Variants in C9 observed in about 807,000 individuals in gnomAD.
C9 encodes complement component C9.
Under a neutral mutation model 65.4 loss-of-function variants are expected in C9, and 63 were observed. That is an observed-to-expected ratio of 0.96 (90% confidence interval 0.79 to 1.19). C9 has a LOEUF of 1.19. C9 is among the 50% of genes most tolerant of loss of function. The probability of loss-of-function intolerance (pLI) is 0.00; values close to 1 mark genes in which losing one functional copy is unlikely to be tolerated. For synonymous variants in C9, 229 were observed against 227.9 expected, an observed-to-expected ratio of 1.00 and a Z score of -0.04; for missense variants, 744 against 670.1, an observed-to-expected ratio of 1.11 and a Z score of -1.22.
At chr5:39,359,078 G>GTATA (rs751500923) in intron 1 of C9, among the ~76,000 whole-genome samples, 1 of 116,940 alleles carries the variant, frequency 8.6e-6, no homozygotes, top group Non-Finnish European at 1.7e-5. Context: ...ATATGTGTGT[G>GTATA]TATATATATA....
chr5:39,356,972 A>G (rs1252788011), intron 1 of C9, among the ~76,000 whole-genome samples: 2 of 152,230 alleles, frequency 1.3e-5, no homozygotes, highest in African/African-American at 4.8e-5. Flanking sequence ...ACGTATCTCC[A>G]AGTGTTTCAA....
intron 1 of C9, among the ~76,000 whole-genome samples, chr5:39,344,274 A>G (rs1754146358): frequency 1.3e-5 from 2 of 152,248 alleles, no homozygotes; most frequent in Non-Finnish European, 2.9e-5. Context: ...AAAACATTGA[A>G]AAAAGATTAG....
At chr5:39,357,509 G>A (rs904875955) in intron 1 of C9, among the ~76,000 whole-genome samples, 5 of 152,168 alleles carry the variant, frequency 3.3e-5, no homozygotes, top group Admixed American at 6.5e-5. Context: ...AAGGTTGCAA[G>A]ACAGAAAATG....
chr5:39,311,419 TCCA>T (rs770668468), intron 6 of C9, 42 bp from the exon 7 acceptor site: 29 of 1,596,492 alleles, frequency 1.8e-5, no homozygotes, highest in Non-Finnish European at 2.3e-5. Flanking sequence ...ATGTGTTTTA[TCCA>T]CCATTTCAAA....
chr5:39,331,840 A>G (rs781505763), intron 4 of C9, 26 bp from the exon 5 acceptor site: 1 of 1,608,484 alleles, frequency 6.2e-7, no homozygotes, highest in Non-Finnish European at 8.5e-7. Context: ...GTAGTATCAG[A>G]AGTGGAAATA....
chr5:39,308,190 C>A, intron 8 of C9, 40 bp downstream of exon 8: 1 of 1,592,880 alleles, frequency 6.3e-7, no homozygotes, highest in Non-Finnish European at 8.6e-7. Flanking sequence ...GACATCTACC[C>A]TCAGGCTTTA....
intron 1 of C9, among the ~76,000 whole-genome samples, chr5:39,342,941 A>T (rs963533893): frequency 2.5e-4 from 38 of 152,160 alleles, no homozygotes; most frequent in African/African-American, 6.5e-4. Context: ...TTACAAAAAA[A>T]AGAAAACACA....
chr5:39,344,582 A>C (rs1754154200), intron 1 of C9, among the ~76,000 whole-genome samples: 6 of 152,238 alleles, frequency 3.9e-5, no homozygotes, highest in Admixed American at 2.6e-4. Context: ...AATGGAACCA[A>C]GTTGGAAAAC....
intron 1 of C9, among the ~76,000 whole-genome samples, chr5:39,361,141 T>TA (rs1754509934): frequency 6.6e-6 from 1 of 151,060 alleles, no homozygotes; most frequent in Non-Finnish European, 1.5e-5. Context: ...TAAAAGAAAG[T>TA]AAAAAATAGT....
intron 1 of C9, among the ~76,000 whole-genome samples, chr5:39,360,441 C>G (rs1209516947): frequency 6.6e-6 from 1 of 151,984 alleles, no homozygotes; most frequent in Non-Finnish European, 1.5e-5. Context: ...ATCTAGTACT[C>G]CTTAGTTATT....
Position 39,331,784 on chromosome 5 carries a change from G to T in C9, c.507C>A (p.Ser169Arg). The T allele has an allele frequency of 6.2e-7, 1 of 1,613,180 alleles. No homozygotes were observed. Among genetic ancestry groups the T allele is most frequent in the Non-Finnish European group, 8.5e-7 (1 of 1,179,112 alleles). The change falls in exon 5 of 11, where the codon AGC (serine) becomes AGA (arginine). Residue 169 changes from serine to arginine, a missense_variant. Coordinates refer to ENST00000263408, the MANE Select transcript of C9 (RefSeq NM_001737.5). ...GINILGMDPL[S>R]TPFDNEFYNG... ...TGTAGAACTCATTGTCAAAAGGTGT[G>T]CTTAGGGGATCCATCCCTAAAATGT...
intron 5 of C9, among the ~76,000 whole-genome samples, chr5:39,318,163 T>C (rs1753604271): frequency 6.6e-6 from 1 of 151,986 alleles, no homozygotes. Context: ...CTGTTGTTGG[T>C]ATATAGGAAT....
At chr5:39,320,041 T>G (rs155378) in intron 5 of C9, among the ~76,000 whole-genome samples, 88,512 of 152,010 alleles carry the variant, frequency 0.58, 26,337 homozygotes, top group African/African-American at 0.7. Context: ...CAGTTAGTCT[T>G]TAAGGAATGG....
intron 9 of C9, among the ~76,000 whole-genome samples, chr5:39,297,193 A>C (rs947432573): frequency 6.6e-6 from 1 of 151,656 alleles, no homozygotes; most frequent in Non-Finnish European, 1.5e-5. Flanking sequence ...CAAATGTTTT[A>C]GATGATGGAT....
At chr5:39,321,934 A>G (rs1278564803) in intron 5 of C9, among the ~76,000 whole-genome samples, 1 of 152,084 alleles carries the variant, frequency 6.6e-6, no homozygotes, top group African/African-American at 2.4e-5. Flanking sequence ...GTTCAACAAT[A>G]GGCAGGTCAT....
chr5:39,332,121 G>T (rs1012875342), intron 4 of C9, among the ~76,000 whole-genome samples: 3 of 152,192 alleles, frequency 2.0e-5, no homozygotes, highest in Admixed American at 1.3e-4. Flanking sequence ...CTTCACTGCT[G>T]TAACTCTTAC....
chr5:39,308,403 A>G (rs2111880623), intron 7 of C9, 45 bp from the exon 8 acceptor site: 1 of 1,453,634 alleles, frequency 6.9e-7, no homozygotes, highest in African/African-American at 1.4e-5. Flanking sequence ...ATGTCTACCA[A>G]CATCACAAAT....
At chr5:39,335,038 G>A (rs575306) in intron 4 of C9, among the ~76,000 whole-genome samples, 6,869 of 151,656 alleles carry the variant, frequency 0.045, 519 homozygotes, top group African/African-American at 0.16. Context: ...TATCACTAAG[G>A]TTTTGACACA....
At chr5:39,287,488 A>G (rs1293000211) in intron 10 of C9, among the ~76,000 whole-genome samples, 1 of 152,044 alleles carries the variant, frequency 6.6e-6, no homozygotes, top group East Asian at 1.9e-4. Flanking sequence ...GCCTGCACAC[A>G]TATGTTTACT....
Sources: gnomAD v4.1 joint callset for allele counts (sites outside exome capture counted in the v4.1 genomes callset) on GRCh38, gnomAD v4.1.1 for gene constraint, MANE v1.5 for transcripts, NCBI Gene and HGNC (gene_info 2026-07-23, HGNC 2026-07-21) for gene names.